CANX: variants seen among roughly 807,000 people sequenced by gnomAD.
The protein encoded by CANX is epididymis secretory sperm binding protein.
Under a neutral mutation model 75.7 loss-of-function variants are expected in CANX, and 14 were observed. That is an observed-to-expected ratio of 0.19 (90% CI 0.12 to 0.29). The LOEUF is 0.29. Among genes scored for constraint, CANX ranks in the 10% least tolerant of loss-of-function variants. CANX has a pLI of 1.00. For synonymous variants in CANX, 227 were observed against 236.9 expected (o/e 0.96, Z 0.38); for missense variants, 567 against 713.2 (o/e 0.79, Z 2.34).
chr5:179,703,225 CTTT>C (rs545011653), intron 1 of CANX, among the ~76,000 whole-genome samples: 1 of 137,500 alleles, frequency 7.3e-6, no homozygotes, highest in Non-Finnish European at 1.6e-5. Flanking sequence ...GTGGTGGAGT[CTTT>C]TTTTTTTTTT....
At chr5:179,709,457 G>A (rs555517141) in intron 6 of CANX, among the ~76,000 whole-genome samples, 18 of 151,984 alleles carry the variant, frequency 1.2e-4, no homozygotes, top group African/African-American at 4.3e-4. Context: ...TGAAAATAAA[G>A]GCTTCCTCCC....
upstream of CANX, chr5:179,698,314 T>A (rs745687038): frequency 1.7e-5 from 12 of 694,272 alleles, no homozygotes; most frequent in Non-Finnish European, 2.2e-5. Context: ...TCGGATTATA[T>A]TATTCTGGAC....
chr5:179,694,468 C>A, upstream of CANX: 1 of 716,974 alleles, frequency 1.4e-6, no homozygotes, highest in Non-Finnish European at 2.5e-6. Context: ...CCCAAAAGGC[C>A]ACCATCTGGA....
At position 179,730,142 on chromosome 5, in the gene CANX, C is replaced by T. The variant is rs1201289600; in HGVS notation, c.*1498C>T. ...TCAGAGTTAGATATTATTTTAGCTT[C>T]AGTTGTTCTTTAGAGGCTTTCAAAT... is the stretch of plus-strand genomic sequence containing the variant. On this transcript the variant is annotated 3_prime_UTR_variant, in exon 15 of 15. Coordinates refer to ENST00000247461, the MANE Select transcript of CANX (RefSeq NM_001746.4). 6.6e-6 allele frequency: 1 copy of T among 152,518 alleles called. No homozygotes were observed. Among genetic ancestry groups the T allele is most frequent in the Non-Finnish European group, 1.5e-5 (1 of 68,028 alleles). 9.4% of individuals were successfully genotyped at this position (152,518 alleles called of 1,614,324 possible).
At chr5:179,694,473 T>C, upstream of CANX, 1 of 724,330 alleles carries the variant, frequency 1.4e-6, no homozygotes. Flanking sequence ...AAGGCCACCA[T>C]CTGGATTCTT....
At chr5:179,678,874 C>A (rs1466123293) in intron 1 of CANX, 10 of 1,536,132 alleles carry the variant, frequency 6.5e-6, no homozygotes, top group Non-Finnish European at 8.7e-6. Context: ...ACCGCGTCCT[C>A]GCCAGCTGGC....
At chr5:179,705,875 A>T (rs765455688) in intron 2 of CANX, 23 bp downstream of exon 2, 3 of 1,601,284 alleles carry the variant, frequency 1.9e-6, no homozygotes, top group Non-Finnish European at 2.6e-6. Flanking sequence ...CTTTGAATCT[A>T]TTCCTTTTAC....
chr5:179,679,884 C>T (rs911517816), intron 1 of CANX, among the ~76,000 whole-genome samples: 3 of 151,632 alleles, frequency 2.0e-5, no homozygotes, highest in African/African-American at 7.3e-5. Context: ...GTCTCGAACT[C>T]CTGACCTCAG....
At position 179,723,759 on chromosome 5, in the gene CANX, C is replaced by T. The variant is rs1179911015; in HGVS notation, c.1498C>T (p.Leu500Phe). The part of the protein sequence containing the change: ...TVALPVFLVI[L>F]FCCSGKKQTS... ...AGCCCTTCCTGTGTTCCTGGTTATC[C>T]TCTTCTGCTGTTCTGGAAAGGTAGG... The change falls in exon 12 of 15, where the codon CTC becomes TTC. Residue 500 changes from leucine to phenylalanine, a missense_variant. Transcript: ENST00000247461. The T allele has an allele frequency of 6.2e-7, 1 of 1,611,882 alleles. No homozygotes were observed. Among genetic ancestry groups the T allele is most frequent in the East Asian group, 2.2e-5 (1 of 44,810 alleles).
rs141791710 is a variant in CANX at position 179,687,134 on chromosome 5, G to A, written c.-4+8357G>A. 6.2e-3 allele frequency among the ~76,000 whole-genome samples: 930 copies of A among 150,794 alleles called. 10 individuals carry two copies. The highest frequency in any genetic ancestry group is 0.021 in the African/African-American group (863 of 41,020). ...AGACATGCCACCATGCCCGGCTACC[G>A]CTCTGTCACCCAGGCTGGAGTGCAG... On this transcript the variant is annotated intron_variant, in intron 1 of 14. Coordinates refer to the CANX transcript ENST00000681674.
intron 1 of CANX, among the ~76,000 whole-genome samples, chr5:179,693,178 T>A (rs973186562): frequency 4.3e-5 from 6 of 139,516 alleles, no homozygotes; most frequent in Non-Finnish European, 6.2e-5. Context: ...AACCCTATAG[T>A]GGAAAAATGG....
chr5:179,680,701 T>C lies in CANX; in HGVS notation c.-4+1924T>C, dbSNP rs931294946. ...GCACCCCCCACCCCTGCCCAGTAAG[T>C]GCTGATTCTATTATGTGAAAAAGGG... On this transcript the variant is annotated intron_variant, in intron 1 of 14. Transcript: ENST00000681674. Among the ~76,000 whole-genome samples the C allele has an allele frequency of 5.9e-5, 9 of 152,054 alleles. No homozygotes were observed. In the South Asian group the frequency reaches 6.2e-4, roughly 11 times the overall value.
chr5:179,703,126 T>C, intron 1 of CANX, among the ~76,000 whole-genome samples: 1 of 152,214 alleles, frequency 6.6e-6, no homozygotes, highest in Non-Finnish European at 1.5e-5. Flanking sequence ...TTGGCCAGGC[T>C]GGTCTCGAAT....
At chr5:179,709,191 G>A (rs545093724) in intron 6 of CANX, 132 bp downstream of exon 6, 35 of 606,726 alleles carry the variant, frequency 5.8e-5, no homozygotes, top group African/African-American at 4.8e-4. Flanking sequence ...CAAGGCAGGC[G>A]GATCACGAGG....
intron 8 of CANX, 71 bp from the exon 9 acceptor site, chr5:179,719,597 G>A (rs1363754199): frequency 2.5e-6 from 2 of 812,096 alleles, no homozygotes; most frequent in Non-Finnish European, 4.1e-6. Context: ...AGAATACTCT[G>A]TTCTGATCCA....
chr5:179,683,552 T>G (rs1274365709), intron 1 of CANX, among the ~76,000 whole-genome samples: 4 of 152,088 alleles, frequency 2.6e-5, no homozygotes, highest in Admixed American at 2.6e-4. Flanking sequence ...TTTCTTTTTT[T>G]GAGAGGAGTC....
intron 1 of CANX, among the ~76,000 whole-genome samples, chr5:179,680,367 A>G (rs776066198): frequency 1.1e-4 from 16 of 152,144 alleles, no homozygotes; most frequent in South Asian, 6.2e-4. Flanking sequence ...CTCATCATTC[A>G]GTCATTTGAT....
rs1185711415 is a variant in CANX at position 179,699,039 on chromosome 5, C to A, written c.-67C>A. 2 of 1,111,964 alleles carry A rather than the reference C, an allele frequency of 1.8e-6. No individual in the cohort carries two copies. The highest frequency in any genetic ancestry group is 5.4e-5 in the Admixed American group (1 of 18,670). 68.9% of individuals were successfully genotyped at this position (1,111,964 alleles called of 1,614,324 possible). On this transcript the variant is annotated 5_prime_UTR_variant, in exon 1 of 15. Transcript: ENST00000247461. ...GCCTCCGCCTCTCTCTTTACTGCGGCGCGGGGCAAGGTGTGCGGGCGGGAA... is the reference window on the plus strand; with the variant it reads ...GCCTCCGCCTCTCTCTTTACTGCGGAGCGGGGCAAGGTGTGCGGGCGGGAA...
chr5:179,715,635 T>C (rs752286961), intron 7 of CANX, among the ~76,000 whole-genome samples: 1 of 152,156 alleles, frequency 6.6e-6, no homozygotes, highest in African/African-American at 2.4e-5. Flanking sequence ...GAATCATGAG[T>C]GGACATGCGT....
Sources: allele counts gnomAD v4.1 joint callset (sites outside exome capture counted in the v4.1 genomes callset), GRCh38; gene constraint gnomAD v4.1.1; transcripts MANE v1.5; gene names NCBI Gene and HGNC (gene_info 2026-07-23, HGNC 2026-07-21).